The following CA7 variants were observed in gnomAD, a reference collection of about 807,000 sequenced individuals.
CA7 encodes the protein carbonic anhydrase 7.
In CA7, 13 loss-of-function variants were observed where a neutral mutation model predicts 31.4. The observed-to-expected ratio is 0.41, with a 90% CI of 0.27 to 0.66. The LOEUF is 0.66. Ranked by LOEUF, CA7 falls within the 30% of genes least tolerant of loss-of-function variation. The pLI is 0.28. For synonymous variants in CA7, 128 were observed against 133.2 expected (o/e 0.96, Z 0.27); for missense variants, 215 against 351.0 (o/e 0.61, Z 3.10).
At chr16:66,850,864 C>T (rs904542464) in intron 3 of CA7, among the ~76,000 whole-genome samples, 2 of 152,142 alleles carry the variant, frequency 1.3e-5, no homozygotes, top group African/African-American at 2.4e-5. Context: ...CTGGTCTGTG[C>T]GTCGTGGAGT....
chr16:66,851,684 C>T lies in CA7; in HGVS notation c.474C>T (p.Ser158=), dbSNP rs768952080. 6.2e-7 allele frequency: 1 copy of T among 1,614,128 alleles called. No individual in the cohort carries two copies. The highest frequency in any genetic ancestry group is 8.5e-7 in the Non-Finnish European group (1 of 1,180,006). Residue 158 remains serine (S), a synonymous_variant, in exon 5 of 7, where the codon AGC becomes AGT. Transcript: ENST00000338437. The part of the protein sequence containing the change: ...VFLETGDEHP[S]MNRLTDALYM... The stretch of plus-strand genomic sequence containing the variant: ...GACAGACAGGAGACGAGCACCCCAG[C>T]ATGAATCGTCTGACAGATGCGCTCT...
intron 5 of CA7, 102 bp from the exon 6 acceptor site, chr16:66,852,607 GAAA>G: frequency 5.9e-6 from 2 of 336,626 alleles, no homozygotes; most frequent in Non-Finnish European, 9.1e-6. Context: ...GAAAAGAAAA[GAAA>G]AAAGAAAAGA....
intron 1 of CA7, chr16:66,844,814 C>A (rs1960888924): frequency 1.1e-6 from 1 of 875,116 alleles, no homozygotes; most frequent in Non-Finnish European, 1.5e-6. Context: ...CCCGCTCAGA[C>A]CCAGGCCCAG....
At position 66,853,746 on chromosome 16, in the gene CA7, A is replaced by G; in HGVS notation, c.*248A>G. 4.1e-6 allele frequency: 2 copies of G among 487,582 alleles called. No individual in the cohort carries two copies. Among genetic ancestry groups the G allele is most frequent in the South Asian group, 6.3e-5 (2 of 31,708 alleles). The allele number at this position is 487,582 out of a possible 1,614,324, so 30.2% of individuals were successfully genotyped here. A position where few individuals can be genotyped will look rare whatever the true frequency, so the allele number is the denominator to read the frequency against. On this transcript the variant is annotated 3_prime_UTR_variant, in exon 7 of 7. Transcript: ENST00000338437. The surrounding 1 kb of genome is among the most constrained non-coding windows in gnomAD (Gnocchi z 4.5). ...AAGCCTGGGGCTGCCTCTGCTCTCC[A>G]AGACCCAAAGACCCTGGGAACCTCC...
At chr16:66,846,374 T>C (rs906236334) in intron 1 of CA7, among the ~76,000 whole-genome samples, 1 of 152,130 alleles carries the variant, frequency 6.6e-6, no homozygotes, top group African/African-American at 2.4e-5. Context: ...TGGAAGATCA[T>C]AGAAAGATTA....
In CA7 at chr16:66,851,657, C is replaced by T; in HGVS notation, c.454-7C>T. ...GCTCTGGGCTCACACTGCCCTCTCCCTGACAGACAGGAGACGAGCACCCCA... is the reference window on the plus strand; with the variant it reads ...GCTCTGGGCTCACACTGCCCTCTCCTTGACAGACAGGAGACGAGCACCCCA... On this transcript the variant is annotated splice_polypyrimidine_tract_variant and splice_region_variant and intron_variant, in intron 4 of 6. Coordinates refer to ENST00000338437, the MANE Select transcript of CA7 (RefSeq NM_005182.3). 6.2e-7 allele frequency: 1 copy of T among 1,614,136 alleles called. No homozygotes were observed. Among genetic ancestry groups the T allele is most frequent in the Non-Finnish European group, 8.5e-7 (1 of 1,179,996 alleles).
Position 66,853,286 on chromosome 16 carries a change from G to C in CA7, c.673-90G>C, listed in dbSNP as rs769567330. On this transcript the variant is annotated intron_variant, in intron 6 of 6. Coordinates refer to ENST00000338437, the MANE Select transcript of CA7 (RefSeq NM_005182.3). The surrounding 1 kb of genome is among the most constrained non-coding windows in gnomAD (Gnocchi z 4.5). Reference sequence around the variant, plus strand: ...GAAGGAGGAGGGAGGGGTAGAGCTGGCTGGGCAGGTATGCCAGATGATGCA... The same window carrying C: ...GAAGGAGGAGGGAGGGGTAGAGCTGCCTGGGCAGGTATGCCAGATGATGCA... 1.5e-4 allele frequency: 232 copies of C among 1,528,164 alleles called. No individual in the cohort carries two copies. Among genetic ancestry groups the C allele is most frequent in the Non-Finnish European group, 2.0e-4 (218 of 1,111,210 alleles). 94.7% of individuals were successfully genotyped at this position (1,528,164 alleles called of 1,614,324 possible). A position where few individuals can be genotyped will look rare whatever the true frequency, so the allele number is the denominator to read the frequency against.
rs758063042 is a variant in CA7 at position 66,853,453 on chromosome 16, A to G, written c.750A>G (p.Pro250=). The G allele has an allele frequency of 6.2e-7, 1 of 1,613,342 alleles. No homozygotes were observed. Among genetic ancestry groups the G allele is most frequent in the Non-Finnish European group, 8.5e-7 (1 of 1,179,912 alleles). The part of the protein sequence containing the change: ...RIHMVNNFRP[P]QPLKGRVVKA... ...ACATGGTGAACAACTTCCGGCCACCACAGCCACTGAAGGGCCGCGTGGTAA... is the reference window on the plus strand; with the variant it reads ...ACATGGTGAACAACTTCCGGCCACCGCAGCCACTGAAGGGCCGCGTGGTAA... The change falls in exon 7 of 7, where the codon CCA becomes CCG. Residue 250 remains proline (P), a synonymous_variant. Transcript: ENST00000338437. This position sits in a 1 kb window ranked among gnomAD's most constrained non-coding sequence, Gnocchi z 4.5.
chr16:66,845,284 G>A (rs1476485780), intron 1 of CA7: 3 of 967,748 alleles, frequency 3.1e-6, no homozygotes, highest in South Asian at 4.8e-5. Flanking sequence ...AATTCCCTTT[G>A]GGGCCATTTC....
chr16:66,851,624 C>T, intron 4 of CA7, 40 bp from the exon 5 acceptor site: 1 of 1,612,966 alleles, frequency 6.2e-7, no homozygotes, highest in Non-Finnish European at 8.5e-7. Flanking sequence ...AGTTCTAGAA[C>T]ACAGTGGGCT....
chr16:66,846,725 T>C (rs1960935507), intron 1 of CA7, among the ~76,000 whole-genome samples: 1 of 152,172 alleles, frequency 6.6e-6, no homozygotes, highest in Non-Finnish European at 1.5e-5. Flanking sequence ...GTCTCCCTGT[T>C]GGGGAGACTT....
chr16:66,853,002 T>A lies in CA7; in HGVS notation c.672+135T>A. ...CCTCCCCATTTTTTACTAATAAATG[T>A]ATAGATTCTTGGTTGGGAGTTAGCT... On this transcript the variant is annotated intron_variant, in intron 6 of 6. Coordinates refer to ENST00000338437, the MANE Select transcript of CA7 (RefSeq NM_005182.3). The surrounding 1 kb of genome is among the most constrained non-coding windows in gnomAD (Gnocchi z 4.5). The A allele has an allele frequency of 2.5e-6, 2 of 796,706 alleles. No individual in the cohort carries two copies. Among genetic ancestry groups the A allele is most frequent in the Non-Finnish European group, 3.8e-6 (2 of 523,838 alleles). 49.4% of individuals were successfully genotyped at this position (796,706 alleles called of 1,614,324 possible).
At chr16:66,844,566 C>A (rs1960884229) in intron 1 of CA7, 39 bp downstream of exon 1, 1 of 1,508,462 alleles carries the variant, frequency 6.6e-7, no homozygotes, top group Non-Finnish European at 9.0e-7. Context: ...GGCTCGGACC[C>A]CCGACCCAAC....
At chr16:66,852,554 GA>G (rs1164910219) in intron 5 of CA7, among the ~76,000 whole-genome samples, 157 bp from the exon 6 acceptor site, 19 of 128,742 alleles carry the variant, frequency 1.5e-4, no homozygotes, top group African/African-American at 5.1e-4. Flanking sequence ...AAGGAAGAAA[GA>G]AAGAAAGAAA....
rs1327313846 is a variant in CA7 at position 66,853,742 on chromosome 16, C to G, written c.*244C>G. The G allele has an allele frequency of 2.6e-5, 13 of 509,246 alleles. No homozygotes were observed. In the East Asian group the frequency reaches 4.1e-4, roughly 16 times the overall value. 31.5% of individuals were successfully genotyped at this position (509,246 alleles called of 1,614,324 possible). ...GTCCAAGCCTGGGGCTGCCTCTGCT[C>G]TCCAAGACCCAAAGACCCTGGGAAC... On this transcript the variant is annotated 3_prime_UTR_variant, in exon 7 of 7. Transcript: ENST00000338437. This position sits in a 1 kb window ranked among gnomAD's most constrained non-coding sequence, Gnocchi z 4.5.
intron 2 of CA7, among the ~76,000 whole-genome samples, chr16:66,848,703 G>A (rs1350003492): frequency 6.6e-6 from 1 of 152,212 alleles, no homozygotes; most frequent in Non-Finnish European, 1.5e-5. Flanking sequence ...CCCCGTGAAT[G>A]GCAGCACATT....
chr16:66,845,102 G>C, intron 1 of CA7: 1 of 985,604 alleles, frequency 1.0e-6, no homozygotes, highest in Non-Finnish European at 1.2e-6. Context: ...ACCGAGCAGG[G>C]TGTTTGCGCA....
Position 66,853,392 on chromosome 16 carries a change from G to A in CA7, c.689G>A (p.Ser230Asn). 6.2e-7 allele frequency: 1 copy of A among 1,614,126 alleles called. No individual in the cohort carries two copies. The highest frequency in any genetic ancestry group is 8.5e-7 in the Non-Finnish European group (1 of 1,180,016). The part of the protein sequence containing the change: ...ISERQMGKFR[S>N]LLFTSEDDER... Reference sequence around the variant, plus strand: ...TTCCTCAAGATGGGGAAGTTCCGGAGCCTGCTTTTTACCTCGGAGGACGAT... The same window carrying A: ...TTCCTCAAGATGGGGAAGTTCCGGAACCTGCTTTTTACCTCGGAGGACGAT... The change falls in exon 7 of 7, where the codon AGC (serine) becomes AAC (asparagine). Residue 230 changes from serine to asparagine, a missense_variant. Transcript: ENST00000338437. The surrounding 1 kb of genome is among the most constrained non-coding windows in gnomAD (Gnocchi z 4.5).
rs374514983 is a variant in CA7 at position 66,847,021 on chromosome 16, C to T, written c.41-9C>T. 1.9e-6 allele frequency: 3 copies of T among 1,613,918 alleles called. No individual in the cohort carries two copies. Among genetic ancestry groups the T allele is most frequent in the Non-Finnish European group, 2.5e-6 (3 of 1,179,896 alleles). Reference sequence around the variant, plus strand: ...TGGCCTGAGTCCTTGCCCTCCTCCCCACCTGCAGGCCCCTCGCATTGGCAC... The same window carrying T: ...TGGCCTGAGTCCTTGCCCTCCTCCCTACCTGCAGGCCCCTCGCATTGGCAC... On this transcript the variant is annotated splice_polypyrimidine_tract_variant and intron_variant, in intron 1 of 6. Coordinates refer to ENST00000338437, the MANE Select transcript of CA7 (RefSeq NM_005182.3).
Sources: allele counts gnomAD v4.1 joint callset (sites outside exome capture counted in the v4.1 genomes callset), GRCh38; gene constraint gnomAD v4.1.1; non-coding constraint Gnocchi (gnomAD v3.1); transcripts MANE v1.5; gene names NCBI Gene and HGNC (gene_info 2026-07-23, HGNC 2026-07-21).